Variants in LRP1B observed in about 807,000 individuals in gnomAD.
The protein encoded by LRP1B is LDL receptor related protein 1B, also known as low-density lipoprotein receptor-related protein 1B.
LRP1B carries 217 observed loss-of-function variants against 556.6 expected under a neutral mutation model. The ratio of observed to expected loss-of-function variants is 0.39; its 90% CI spans 0.35 to 0.44. The LOEUF is 0.44. Ranked by LOEUF, LRP1B falls within the 20% of genes least tolerant of loss-of-function variation. The probability of loss-of-function intolerance (pLI) is 1.00; values close to 1 mark genes in which losing one functional copy is unlikely to be tolerated. For missense variants in LRP1B, 5,053 were observed against 5,620.8 expected (o/e 0.90, Z 3.23); for synonymous variants, 2,047 against 1,865.8 (o/e 1.10, Z -2.50).
At chr2:140,396,391 ACAATTGCT>A (rs533338907) in intron 66 of LRP1B, among the ~76,000 whole-genome samples, 2 of 152,172 alleles carry the variant, frequency 1.3e-5, no homozygotes, top group Non-Finnish European at 2.9e-5. Flanking sequence ...GAACCACCAT[ACAATTGCT>A]CAATTCACTT....
intron 1 of LRP1B, among the ~76,000 whole-genome samples, chr2:142,039,031 C>G (rs1207730064): frequency 6.6e-6 from 1 of 151,462 alleles, no homozygotes; most frequent in Non-Finnish European, 1.5e-5. Flanking sequence ...ACACCAAGAG[C>G]CCATGAAAAG....
chr2:140,998,434 G>T (rs1697317173), intron 15 of LRP1B, among the ~76,000 whole-genome samples: 2 of 151,902 alleles, frequency 1.3e-5, no homozygotes, highest in Admixed American at 1.3e-4. Context: ...TCTATATTGT[G>T]TTTTTTTCCC....
chr2:140,337,027 C>T (rs898498788), intron 77 of LRP1B, among the ~76,000 whole-genome samples: 5 of 151,760 alleles, frequency 3.3e-5, no homozygotes, highest in Non-Finnish European at 7.4e-5. Flanking sequence ...CACATGAAGT[C>T]TTCTTGTGTG....
chr2:140,611,065 C>T (rs1447269386), intron 41 of LRP1B, among the ~76,000 whole-genome samples: 1 of 152,166 alleles, frequency 6.6e-6, no homozygotes, highest in African/African-American at 2.4e-5. Context: ...AAGCTACAGC[C>T]AATTATGCTT....
chr2:141,947,734 GTTTA>G (rs1016688227), intron 1 of LRP1B, among the ~76,000 whole-genome samples: 5 of 150,352 alleles, frequency 3.3e-5, no homozygotes, highest in South Asian at 2.2e-4. Context: ...CTGGTGAAGT[GTTTA>G]TTTATTATAA....
intron 1 of LRP1B, among the ~76,000 whole-genome samples, chr2:142,049,091 A>G (rs1325547436): frequency 6.6e-6 from 1 of 152,084 alleles, no homozygotes; most frequent in Non-Finnish European, 1.5e-5. Flanking sequence ...AAGCTACTAT[A>G]TTCAAGAACT....
At chr2:141,635,808 G>C (rs1689092047) in intron 2 of LRP1B, among the ~76,000 whole-genome samples, 1 of 152,178 alleles carries the variant, frequency 6.6e-6, no homozygotes, top group Non-Finnish European at 1.5e-5. Flanking sequence ...ATCACTTGAT[G>C]AATGAATATG....
At chr2:141,240,916 T>C (rs971957243) in intron 5 of LRP1B, among the ~76,000 whole-genome samples, 1 of 152,094 alleles carries the variant, frequency 6.6e-6, no homozygotes, top group Non-Finnish European at 1.5e-5. Context: ...TCATGACACA[T>C]AAAACACCAT....
At chr2:141,147,118 G>C (rs1701804870) in intron 7 of LRP1B, among the ~76,000 whole-genome samples, 1 of 152,176 alleles carries the variant, frequency 6.6e-6, no homozygotes, top group African/African-American at 2.4e-5. Context: ...TCTGGAACAT[G>C]CTGCATTCCC....
intron 3 of LRP1B, among the ~76,000 whole-genome samples, chr2:141,318,038 C>CA (rs1408519275): frequency 7.2e-5 from 11 of 151,854 alleles, no homozygotes; most frequent in Admixed American, 1.3e-4. Flanking sequence ...AACAAAACAA[C>CA]AAAAAAACAA....
chr2:140,496,652 T>C (rs1166376646), intron 55 of LRP1B, among the ~76,000 whole-genome samples: 2 of 151,826 alleles, frequency 1.3e-5, no homozygotes, highest in African/African-American at 4.8e-5. Flanking sequence ...TGAGGTACTT[T>C]GATTGGTCAT....
chr2:141,759,908 A>T (rs569163301), intron 2 of LRP1B, among the ~76,000 whole-genome samples: 1 of 152,292 alleles, frequency 6.6e-6, no homozygotes, highest in African/African-American at 2.4e-5. Context: ...AGGCGGGTAG[A>T]TCACCTGAGG....
chr2:140,475,459 C>T (rs1177613751), intron 59 of LRP1B, 122 bp from the exon 60 acceptor site: 1 of 636,370 alleles, frequency 1.6e-6, no homozygotes, highest in Non-Finnish European at 2.5e-6. Context: ...TGAATTGCAG[C>T]TTTTAAGAAA....
chr2:141,682,920 T>G (rs1691155537), intron 2 of LRP1B, among the ~76,000 whole-genome samples: 1 of 152,164 alleles, frequency 6.6e-6, no homozygotes, highest in Non-Finnish European at 1.5e-5. Context: ...ATAGATTCAG[T>G]GTTTGGTGCA....
At chr2:140,817,230 A>C (rs941152667) in intron 31 of LRP1B, among the ~76,000 whole-genome samples, 1 of 152,102 alleles carries the variant, frequency 6.6e-6, no homozygotes, top group Non-Finnish European at 1.5e-5. Flanking sequence ...ATACAGTCTC[A>C]TTTTTATAAG....
chr2:140,746,079 T>A (rs1181257894), intron 35 of LRP1B, among the ~76,000 whole-genome samples: 4 of 152,048 alleles, frequency 2.6e-5, no homozygotes, highest in African/African-American at 9.7e-5. Context: ...TGGTTGTGAG[T>A]GTGCACAATA....
chr2:140,452,326 C>G (rs1048996340), intron 62 of LRP1B, among the ~76,000 whole-genome samples: 1 of 152,082 alleles, frequency 6.6e-6, no homozygotes, highest in Admixed American at 6.6e-5. Context: ...AGACAAAAAT[C>G]TCACTTTCCA....
intron 1 of LRP1B, among the ~76,000 whole-genome samples, chr2:141,955,412 C>T (rs939925956): frequency 4.6e-5 from 7 of 152,062 alleles, no homozygotes; most frequent in African/African-American, 1.4e-4. Context: ...CAAGATGCTT[C>T]CAGATTTATG....
At chr2:141,493,868 A>C (rs1404163102) in intron 2 of LRP1B, among the ~76,000 whole-genome samples, 1 of 152,200 alleles carries the variant, frequency 6.6e-6, no homozygotes, top group Non-Finnish European at 1.5e-5. Flanking sequence ...TTGATGACAG[A>C]ATACTTATTC....
Sources: gnomAD v4.1 joint callset for allele counts (sites outside exome capture counted in the v4.1 genomes callset) on GRCh38, gnomAD v4.1.1 for gene constraint, MANE v1.5 for transcripts, NCBI Gene and HGNC (gene_info 2026-07-23, HGNC 2026-07-21) for gene names.